Variants in FBXW7 observed in about 807,000 individuals in gnomAD.
FBXW7 encodes F-box/WD repeat-containing protein 7.
A neutral mutation model predicts 86.3 loss-of-function variants in FBXW7; 11 were observed. That is an observed-to-expected ratio of 0.13 (90% CI 0.08 to 0.21). The LOEUF is 0.21. Ranked by LOEUF, FBXW7 falls within the 10% of genes least tolerant of loss-of-function variation. FBXW7 has a pLI of 1.00. For synonymous variants in FBXW7, 313 were observed against 297.9 expected (o/e 1.05, Z -0.52); for missense variants, 488 against 847.4 (o/e 0.58, Z 5.27).
At chr4:152,482,628 T>C (rs1250726960) in intron 2 of FBXW7, among the ~76,000 whole-genome samples, 1 of 152,172 alleles carries the variant, frequency 6.6e-6, no homozygotes, top group East Asian at 1.9e-4. Flanking sequence ...GCAACCAAGA[T>C]GCATGTAACC....
chr4:152,366,827 G>A (rs975053995), intron 4 of FBXW7, among the ~76,000 whole-genome samples: 8 of 152,170 alleles, frequency 5.3e-5, no homozygotes, highest in Non-Finnish European at 1.0e-4. Context: ...ACATGCACAC[G>A]TATGTTTATT....
At chr4:152,407,529 T>C (rs1041411690) in intron 4 of FBXW7, among the ~76,000 whole-genome samples, 1 of 152,200 alleles carries the variant, frequency 6.6e-6, no homozygotes, top group Admixed American at 6.5e-5. Flanking sequence ...CCCTGTTATA[T>C]TTCCAATGTT....
chr4:152,516,212 C>T (rs577820428), intron 2 of FBXW7, among the ~76,000 whole-genome samples: 1 of 152,332 alleles, frequency 6.6e-6, no homozygotes, highest in Admixed American at 6.5e-5. Context: ...TGCTGTAGAG[C>T]AGGGGTCCAC....
intron 2 of FBXW7, among the ~76,000 whole-genome samples, chr4:152,527,779 TAA>T (rs953080934): frequency 4.6e-5 from 7 of 151,138 alleles, no homozygotes; most frequent in African/African-American, 1.2e-4. Flanking sequence ...ACCCTGTCTC[TAA>T]AAAAAATAAT....
chr4:152,442,009 C>A (rs1300276219), intron 2 of FBXW7, among the ~76,000 whole-genome samples: 1 of 152,164 alleles, frequency 6.6e-6, no homozygotes. Flanking sequence ...TAACCTCAAT[C>A]GGAATTTTGA....
chr4:152,355,836 G>C (rs1184204956), intron 4 of FBXW7, among the ~76,000 whole-genome samples: 2 of 152,072 alleles, frequency 1.3e-5, no homozygotes, highest in African/African-American at 4.8e-5. Context: ...ATGATGATAT[G>C]TTTGCCTCTG....
chr4:152,456,374 A>C (rs61423376), intron 2 of FBXW7, among the ~76,000 whole-genome samples: 18 of 146,618 alleles, frequency 1.2e-4, no homozygotes, highest in African/African-American at 3.1e-4. Context: ...AAAAAAAAAA[A>C]AAAAAAAAAA....
chr4:152,460,023 G>A (rs1742797009), intron 2 of FBXW7, among the ~76,000 whole-genome samples: 1 of 152,204 alleles, frequency 6.6e-6, no homozygotes, highest in East Asian at 1.9e-4. Context: ...TAGGTACAGA[G>A]TTTCTGTTTG....
chr4:152,531,931 A>G (rs1256931696), intron 2 of FBXW7, among the ~76,000 whole-genome samples: 1 of 152,076 alleles, frequency 6.6e-6, no homozygotes, highest in African/African-American at 2.4e-5. Flanking sequence ...CTGGGACTAA[A>G]CTGGTGGCCA....
At chr4:152,396,544 A>C (rs558244987) in intron 4 of FBXW7, among the ~76,000 whole-genome samples, 71 of 152,186 alleles carry the variant, frequency 4.7e-4, no homozygotes, top group African/African-American at 1.7e-3. Context: ...GGATGTCTTC[A>C]ATCCATCAAT....
intron 4 of FBXW7, chr4:152,382,075 A>G: frequency 1.6e-6 from 1 of 615,272 alleles, no homozygotes; most frequent in Non-Finnish European, 2.7e-6. Context: ...TACACAATGC[A>G]TTGATAGTTT....
chr4:152,346,314 A>G (rs1731257630), intron 6 of FBXW7, among the ~76,000 whole-genome samples: 1 of 152,176 alleles, frequency 6.6e-6, no homozygotes, highest in Non-Finnish European at 1.5e-5. Flanking sequence ...TGGTTCTTAA[A>G]TTACTCTTAA....
At chr4:152,397,508 A>C (rs1015994331) in intron 4 of FBXW7, among the ~76,000 whole-genome samples, 13 of 151,820 alleles carry the variant, frequency 8.6e-5, no homozygotes, top group African/African-American at 2.9e-4. Flanking sequence ...CCTGGGCTCA[A>C]ACCATCCTCT....
At chr4:152,490,731 A>C (rs2149684035) in intron 2 of FBXW7, among the ~76,000 whole-genome samples, 1 of 152,134 alleles carries the variant, frequency 6.6e-6, no homozygotes, top group Non-Finnish European at 1.5e-5. Flanking sequence ...CACCTACAAT[A>C]CCAATAGTGT....
rs74740070 is a variant in FBXW7, at chr4:152,406,989, A to C, written c.501+4314T>G. Among the ~76,000 whole-genome samples the C allele has an allele frequency of 9.8e-5, 15 of 152,346 alleles. No homozygotes were observed. In the East Asian group the frequency reaches 2.9e-3, roughly 29 times the overall value. Reference sequence around the variant, plus strand: ...GTCACAAGGCCGATATCTGCAAAATATCTGAGTGTCCCAGGCACTATGCTA... The same window carrying C: ...GTCACAAGGCCGATATCTGCAAAATCTCTGAGTGTCCCAGGCACTATGCTA... On this transcript the variant is annotated intron_variant, in intron 4 of 13. Coordinates refer to ENST00000281708, the MANE Select transcript of FBXW7 (RefSeq NM_001349798.2).
rs1728534737 is a variant in FBXW7, at chr4:152,321,254, A to T, written c.*1627T>A. 4.3e-6 allele frequency: 1 copy of T among 231,038 alleles called. No individual in the cohort carries two copies. The highest frequency in any genetic ancestry group is 8.6e-6 in the Non-Finnish European group (1 of 116,510). The allele number at this position is 231,038 out of a possible 1,614,324, so 14.3% of individuals were successfully genotyped here. ...TATTACTTCAGTGGAAGAAACAGGC[A>T]TACTAACATGAAAAAACACATTTTA... On this transcript the variant is annotated 3_prime_UTR_variant, in exon 14 of 14. Coordinates refer to ENST00000281708, the MANE Select transcript of FBXW7 (RefSeq NM_001349798.2).
chr4:152,526,995 A>G (rs377713133), intron 2 of FBXW7, among the ~76,000 whole-genome samples: 4 of 152,250 alleles, frequency 2.6e-5, no homozygotes, highest in East Asian at 3.8e-4. Flanking sequence ...TGGGCTTAAT[A>G]TAAGGCCTGA....
intron 2 of FBXW7, among the ~76,000 whole-genome samples, chr4:152,438,432 C>G (rs1056652239): frequency 1.3e-5 from 2 of 152,056 alleles, no homozygotes; most frequent in East Asian, 1.9e-4. Flanking sequence ...AATCTCAGCA[C>G]TTTGGGAGGC....
At chr4:152,323,254 A>T in intron 13 of FBXW7, 105 bp from the exon 14 acceptor site, 1 of 1,274,618 alleles carries the variant, frequency 7.8e-7, no homozygotes, top group Non-Finnish European at 1.1e-6. Flanking sequence ...AATAAATGCA[A>T]CATTTGAAAT....
Sources: allele counts gnomAD v4.1 joint callset (sites outside exome capture counted in the v4.1 genomes callset), GRCh38; gene constraint gnomAD v4.1.1; transcripts MANE v1.5; gene names NCBI Gene and HGNC (gene_info 2026-07-23, HGNC 2026-07-21).